Variants in MRE11 observed in about 807,000 individuals in gnomAD.
MRE11 encodes the protein double-strand break repair protein MRE11.
In MRE11, 62 loss-of-function variants were observed where a neutral mutation model predicts 91.7. That is an observed-to-expected ratio of 0.68 (90% confidence interval 0.55 to 0.84). The LOEUF is 0.84. MRE11 is among the 40% of genes least tolerant of loss of function. The pLI, the probability that MRE11 is intolerant of heterozygous loss-of-function variation, is 0.00. For missense variants in MRE11, 796 were observed against 852.9 expected, an observed-to-expected ratio of 0.93 and a Z score of 0.83; for synonymous variants, 273 against 271.4, an observed-to-expected ratio of 1.01 and a Z score of -0.06.
chr11:94,417,345 CCTTTT>C lies in MRE11; in HGVS notation c.*2775_*2779del, dbSNP rs1945054253. On this transcript the variant is annotated 3_prime_UTR_variant, in exon 20 of 20. Transcript: ENST00000323929. ...TTCCTCTTTATGAAAACAAAATATT[CCTTTT>C]CTTTATAAAACTTTATAGGCAAATT... 4.4e-6 allele frequency: 1 copy of C among 225,402 alleles called. No homozygotes were observed. The highest frequency in any genetic ancestry group is 6.5e-5 in the East Asian group (1 of 15,492). 14.0% of individuals were successfully genotyped at this position (225,402 alleles called of 1,614,324 possible). A position where few individuals can be genotyped will look rare whatever the true frequency, so the allele number is the denominator to read the frequency against.
At chr11:94,491,651 G>A (rs1947286817) in intron 2 of MRE11, among the ~76,000 whole-genome samples, 2 of 152,138 alleles carry the variant, frequency 1.3e-5, no homozygotes, top group Middle Eastern at 3.2e-3. Flanking sequence ...TGACAAATGA[G>A]AAGGCTAAAC....
At chr11:94,435,759 G>T in intron 18 of MRE11, 73 bp downstream of exon 18, 1 of 1,291,084 alleles carries the variant, frequency 7.7e-7, no homozygotes, top group Non-Finnish European at 1.1e-6. Context: ...ATAGAAAAAT[G>T]TGTAACTTTG....
intron 19 of MRE11, among the ~76,000 whole-genome samples, chr11:94,429,178 A>T (rs1282864941): frequency 6.6e-6 from 1 of 152,218 alleles, no homozygotes; most frequent in Non-Finnish European, 1.5e-5. Context: ...ATTACTAAAA[A>T]GTCAAAAGAC....
intron 16 of MRE11, among the ~76,000 whole-genome samples, chr11:94,439,283 A>G (rs987921901): frequency 6.6e-6 from 1 of 152,048 alleles, no homozygotes; most frequent in Non-Finnish European, 1.5e-5. Flanking sequence ...CAGAGACTTA[A>G]AAAAAAACCC....
chr11:94,438,335 G>T (rs968432167), intron 16 of MRE11, among the ~76,000 whole-genome samples: 2 of 152,086 alleles, frequency 1.3e-5, no homozygotes, highest in African/African-American at 4.8e-5. Context: ...GAAAACTAAC[G>T]AATCTTTCTA....
intron 19 of MRE11, among the ~76,000 whole-genome samples, chr11:94,425,531 C>T (rs1004970683): frequency 6.6e-6 from 1 of 152,186 alleles, no homozygotes; most frequent in African/African-American, 2.4e-5. Context: ...GTCTAAATGT[C>T]ACTACTTAAA....
intron 10 of MRE11, among the ~76,000 whole-genome samples, chr11:94,466,838 C>T (rs12708331): frequency 0.046 from 7,022 of 152,280 alleles, 405 homozygotes; most frequent in African/African-American, 0.13. Context: ...AAAGACTACA[C>T]TCCTCAGTAC....
At chr11:94,473,996 G>GTTT (rs1255438048) in intron 7 of MRE11, among the ~76,000 whole-genome samples, 1 of 152,082 alleles carries the variant, frequency 6.6e-6, no homozygotes, top group Admixed American at 6.6e-5. Flanking sequence ...CTTATCATTG[G>GTTT]TTTTTTAAGC....
the MRE11 span, among the ~76,000 whole-genome samples, chr11:94,500,809 G>A: frequency 6.6e-6 from 1 of 152,168 alleles, no homozygotes; most frequent in South Asian, 2.1e-4. Context: ...ACATTTATTT[G>A]TATTATTTGA....
At chr11:94,432,406 A>C (rs183344801) in intron 18 of MRE11, among the ~76,000 whole-genome samples, 29 of 152,290 alleles carry the variant, frequency 1.9e-4, no homozygotes, top group Non-Finnish European at 4.0e-4. Flanking sequence ...AGGCTAGGAA[A>C]ACAAACACTC....
intron 2 of MRE11, among the ~76,000 whole-genome samples, chr11:94,491,551 C>T (rs1947283183): frequency 1.3e-5 from 2 of 152,130 alleles, no homozygotes; most frequent in South Asian, 4.1e-4. Context: ...GTTATTAATA[C>T]TCTTACACTA....
intron 9 of MRE11, among the ~76,000 whole-genome samples, chr11:94,469,254 T>C (rs537222066): frequency 6.6e-6 from 1 of 152,084 alleles, no homozygotes; most frequent in Non-Finnish European, 1.5e-5. Context: ...TCTAAGGACA[T>C]TTGGCAAGGT....
chr11:94,442,552 C>A (rs1308977836), intron 16 of MRE11, among the ~76,000 whole-genome samples: 1 of 152,152 alleles, frequency 6.6e-6, no homozygotes, highest in Non-Finnish European at 1.5e-5. Context: ...GGGTAATCTA[C>A]ATCTATGACT....
chr11:94,464,123 C>G lies in MRE11; in HGVS notation c.1215G>C (p.Lys405Asn). The change falls in exon 11 of 20, where the codon AAG (lysine) becomes AAC (asparagine). Residue 405 changes from lysine (K) to asparagine (N), a missense_variant. Transcript: ENST00000323929. ...IIHFFRHREQ[K>N]EKTGEEINFG... The stretch of plus-strand genomic sequence containing the variant: ...AAATAACTAGCTTACCTGTTTTTTC[C>G]TTTTGTTCTCTATGCCTGAAAAAAT... 1.2e-6 allele frequency: 2 copies of G among 1,612,300 alleles called. No individual in the cohort carries two copies. Among genetic ancestry groups the G allele is most frequent in the Non-Finnish European group, 1.7e-6 (2 of 1,179,442 alleles).
intron 6 of MRE11, among the ~76,000 whole-genome samples, chr11:94,476,767 C>A (rs1946871797): frequency 6.6e-6 from 1 of 151,998 alleles, no homozygotes. Context: ...ATTGCCCAGG[C>A]TGGAGTGCAG....
intron 15 of MRE11, 53 bp from the exon 16 acceptor site, chr11:94,445,946 T>C (rs987373980): frequency 2.3e-6 from 3 of 1,296,000 alleles, no homozygotes; most frequent in Non-Finnish European, 3.4e-6. Context: ...CTAAGGTTTA[T>C]TTCATACAAC....
At chr11:94,435,984 A>G in intron 17 of MRE11, 85 bp from the exon 18 acceptor site, 2 of 1,242,360 alleles carry the variant, frequency 1.6e-6, no homozygotes, top group African/African-American at 2.9e-5. Context: ...TTACACGATT[A>G]AATCTTAAGT....
rs1008092298 is a variant in MRE11 at position 94,467,540 on chromosome 11, T to C, written c.1098+273A>G. 2.0e-5 allele frequency among the ~76,000 whole-genome samples: 3 copies of C among 152,078 alleles called. No individual in the cohort carries two copies. In the South Asian group the frequency reaches 6.2e-4, roughly 32 times the overall value. The stretch of plus-strand genomic sequence containing the variant: ...GCCAAGATGCCTGGAATGAAGTGAG[T>C]AGAGGAGGTAGTTAAAGATGAAGCC... On this transcript the variant is annotated intron_variant, in intron 10 of 19. Coordinates refer to ENST00000323929, the MANE Select transcript of MRE11 (RefSeq NM_005591.4).
chr11:94,433,324 A>G (rs896942333), intron 18 of MRE11, among the ~76,000 whole-genome samples: 1 of 152,194 alleles, frequency 6.6e-6, no homozygotes, highest in Non-Finnish European at 1.5e-5. Flanking sequence ...GTGGATTCCC[A>G]CTGCATTTAT....
Sources: allele counts gnomAD v4.1 joint callset (sites outside exome capture counted in the v4.1 genomes callset), GRCh38; gene constraint gnomAD v4.1.1; transcripts MANE v1.5; gene names NCBI Gene and HGNC (gene_info 2026-07-23, HGNC 2026-07-21).